Variants in PDGFD observed in about 807,000 individuals in gnomAD.
PDGFD encodes platelet-derived growth factor D.
A neutral mutation model predicts 44.7 loss-of-function variants in PDGFD; 30 were observed. The ratio of observed to expected loss-of-function variants is 0.67; its 90% CI spans 0.50 to 0.91. The LOEUF is 0.91. PDGFD is among the 40% of genes least tolerant of loss of function. The pLI is 0.00. For missense variants in PDGFD, 445 were observed against 457.8 expected (o/e 0.97, Z 0.25); for synonymous variants, 173 against 168.4 (o/e 1.03, Z -0.21).
chr11:103,962,470 T>A (rs901404236), intron 3 of PDGFD, among the ~76,000 whole-genome samples: 1 of 152,100 alleles, frequency 6.6e-6, no homozygotes, highest in Non-Finnish European at 1.5e-5. Flanking sequence ...CAAATGGCCC[T>A]GGATGGCTTT....
At chr11:104,037,168 C>T in intron 1 of PDGFD, 2 of 1,613,644 alleles carry the variant, frequency 1.2e-6, no homozygotes, top group South Asian at 1.1e-5. Flanking sequence ...TGGACAGCAG[C>T]AGCAGCGCAC....
chr11:104,119,223 GATATAATATATAATATATTA>G (rs1861710853), intron 1 of PDGFD, among the ~76,000 whole-genome samples: 15 of 10,196 alleles, frequency 1.5e-3, no homozygotes, highest in Non-Finnish European at 2.4e-3. Flanking sequence ...ATAATATATT[GATATAATATATAATATATTA>G]ATATAATATA....
At chr11:103,954,575 A>G (rs965549766) in intron 3 of PDGFD, among the ~76,000 whole-genome samples, 14 of 152,238 alleles carry the variant, frequency 9.2e-5, no homozygotes, top group African/African-American at 3.4e-4. Context: ...AGTTTTTAAA[A>G]AGCTTTCAAA....
rs563363043 is a variant in PDGFD at position 104,106,012 on chromosome 11, G to C, written c.124+57792C>G. Among the ~76,000 whole-genome samples, 4 of 152,144 alleles carry C rather than the reference G, an allele frequency of 2.6e-5. No individual in the cohort carries two copies. The East Asian group carries it at 7.7e-4, about 29-fold the overall frequency. Reference sequence around the variant, plus strand: ...CCAAATAAGCATAGTGTTTACAAAAGAGTTACTTTAGAAGTATTGTTAAAT... The same window carrying C: ...CCAAATAAGCATAGTGTTTACAAAACAGTTACTTTAGAAGTATTGTTAAAT... On this transcript the variant is annotated intron_variant, in intron 1 of 6. Transcript: ENST00000393158.
Position 104,032,299 on chromosome 11 carries a change from A to G in PDGFD, c.125-32044T>C, listed in dbSNP as rs1860140530. The stretch of plus-strand genomic sequence containing the variant: ...TTTATTGTATTACTGTAAAGCAAAT[A>G]AAAGAATTATGAAAACATTAGTTAT... On this transcript the variant is annotated intron_variant, in intron 1 of 6. Transcript: ENST00000393158. Among the ~76,000 whole-genome samples the G allele has an allele frequency of 2.6e-5, 4 of 152,238 alleles. No homozygotes were observed. In the South Asian group the frequency reaches 8.3e-4, roughly 31 times the overall value.
chr11:104,077,877 T>C (rs1304587221), intron 1 of PDGFD, among the ~76,000 whole-genome samples: 3 of 152,200 alleles, frequency 2.0e-5, no homozygotes, highest in Admixed American at 2.0e-4. Flanking sequence ...TTTTCACCCT[T>C]TCCCTTCTCC....
At chr11:104,061,146 C>T (rs1860709547) in intron 1 of PDGFD, among the ~76,000 whole-genome samples, 1 of 151,992 alleles carries the variant, frequency 6.6e-6, no homozygotes, top group Non-Finnish European at 1.5e-5. Flanking sequence ...TTCCTTTTTA[C>T]AGCTAAATAA....
At chr11:104,151,144 CTT>C (rs1330341565) in intron 1 of PDGFD, among the ~76,000 whole-genome samples, 1 of 152,134 alleles carries the variant, frequency 6.6e-6, no homozygotes, top group East Asian at 1.9e-4. Flanking sequence ...CTCTCTCTCT[CTT>C]CTCCTCTTAC....
intron 1 of PDGFD, among the ~76,000 whole-genome samples, chr11:104,099,972 T>C (rs1003423316): frequency 6.6e-6 from 1 of 152,126 alleles, no homozygotes; most frequent in Non-Finnish European, 1.5e-5. Flanking sequence ...TTAATACCTC[T>C]CAATCCACAA....
chr11:104,046,694 A>G (rs1265664362), intron 1 of PDGFD, among the ~76,000 whole-genome samples: 1 of 147,430 alleles, frequency 6.8e-6, no homozygotes, highest in African/African-American at 2.5e-5. Flanking sequence ...AAAAAATACA[A>G]AAATCTTCCC....
chr11:103,982,433 G>A lies in PDGFD; in HGVS notation c.510+13632C>T, dbSNP rs112880854. Among the ~76,000 whole-genome samples, 1,180 of 151,778 alleles carry A rather than the reference G, an allele frequency of 7.8e-3. 20 individuals are homozygous for A. The highest frequency in any genetic ancestry group is 8.5e-3 in the Non-Finnish European group (577 of 67,964). The stretch of plus-strand genomic sequence containing the variant: ...CCTACAAGGAGCTTTTGCTCTAGTA[G>A]AGATAGTGAGGCATGTATGTGGGTT... On this transcript the variant is annotated intron_variant, in intron 3 of 6. Transcript: ENST00000393158.
At chr11:104,038,659 A>G (rs551613481) in intron 1 of PDGFD, 1 of 167,202 alleles carries the variant, frequency 6.0e-6, no homozygotes, top group South Asian at 2.1e-4. Context: ...TATTTGAGAA[A>G]GTGGATTTAT....
intron 3 of PDGFD, among the ~76,000 whole-genome samples, chr11:103,986,783 G>A (rs1859371606): frequency 6.6e-6 from 1 of 152,226 alleles, no homozygotes; most frequent in Admixed American, 6.5e-5. Context: ...TTAGCCACAA[G>A]ATTAGAAATT....
chr11:103,928,778 G>T (rs1458334863), intron 5 of PDGFD, among the ~76,000 whole-genome samples: 1 of 152,106 alleles, frequency 6.6e-6, no homozygotes, highest in African/African-American at 2.4e-5. Flanking sequence ...ACTCTGTCTT[G>T]GGAAAGGAAC....
chr11:104,013,520 G>C (rs1418194450), intron 1 of PDGFD, among the ~76,000 whole-genome samples: 4 of 152,128 alleles, frequency 2.6e-5, no homozygotes, highest in Non-Finnish European at 4.4e-5. Flanking sequence ...AGGGGTTTGA[G>C]TGCAGCAGCC....
chr11:103,909,703 T>G lies in PDGFD; in HGVS notation c.1104A>C (p.Pro368=). 6.2e-7 allele frequency: 1 copy of G among 1,614,076 alleles called. No homozygotes were observed. The highest frequency in any genetic ancestry group is 8.5e-7 in the Non-Finnish European group (1 of 1,179,928). ...GGATGTGCACATTCTCTTATCGAGG[T>G]GGTCTTGAGCTGCAGATACAATCAC... ...ERCDCICSSR[P]PR Residue 368 remains proline (P), a synonymous_variant, in exon 7 of 7, where the codon CCA becomes CCC. Transcript: ENST00000393158.
chr11:104,018,474 T>C (rs1859895605), intron 1 of PDGFD, among the ~76,000 whole-genome samples: 1 of 152,206 alleles, frequency 6.6e-6, no homozygotes. Flanking sequence ...GTTAACTGAG[T>C]GGGTTCATCT....
intron 1 of PDGFD, among the ~76,000 whole-genome samples, chr11:104,054,833 A>G (rs1243899326): frequency 6.6e-6 from 1 of 152,206 alleles, no homozygotes; most frequent in East Asian, 1.9e-4. Context: ...GGAGACAGTA[A>G]TGGTGCCAGG....
At chr11:104,049,497 G>C (rs1860493364) in intron 1 of PDGFD, among the ~76,000 whole-genome samples, 1 of 151,978 alleles carries the variant, frequency 6.6e-6, no homozygotes, top group Non-Finnish European at 1.5e-5. Flanking sequence ...TGGCTTTTAG[G>C]GGTTTTTAAG....
Sources: allele counts gnomAD v4.1 joint callset (sites outside exome capture counted in the v4.1 genomes callset), GRCh38; gene constraint gnomAD v4.1.1; transcripts MANE v1.5; gene names NCBI Gene and HGNC (gene_info 2026-07-23, HGNC 2026-07-21).